Variants in SEMA4G observed in about 807,000 individuals in gnomAD.
The protein encoded by SEMA4G is semaphorin 4G.
Under a neutral mutation model 81.2 loss-of-function variants are expected in SEMA4G, and 59 were observed. That is an observed-to-expected ratio of 0.73 (90% CI 0.59 to 0.90). SEMA4G has a LOEUF of 0.90. Ranked by LOEUF, SEMA4G falls within the 40% of genes least tolerant of loss-of-function variation. The pLI, the probability that SEMA4G is intolerant of heterozygous loss-of-function variation, is 0.00. For synonymous variants in SEMA4G, 404 were observed against 433.9 expected, an observed-to-expected ratio of 0.93 and a Z score of 0.86; for missense variants, 952 against 1,102.3, an observed-to-expected ratio of 0.86 and a Z score of 1.93.
At chr10:100,980,155 A>G in exon 10 of SEMA4G, 2 of 1,614,238 alleles carry the variant, frequency 1.2e-6, no homozygotes, top group South Asian at 2.2e-5. Context: ...CCAAGGCTAC[A>G]ATTCATCCCA....
chr10:100,974,959 T>G (rs764199539), intron 3 of SEMA4G: 21 of 512,868 alleles, frequency 4.1e-5, no homozygotes, highest in Non-Finnish European at 7.9e-5. Flanking sequence ...TAAAAAATAA[T>G]TAAAAAAAAA....
At chr10:100,977,757 C>A in intron 4 of SEMA4G, 27 bp downstream of exon 5, 1 of 1,542,272 alleles carries the variant, frequency 6.5e-7, no homozygotes, top group Non-Finnish European at 9.0e-7. Context: ...TGTGCCAGAT[C>A]TCTGTTGACT....
chr10:100,979,959 TGAGG>T lies in SEMA4G; in HGVS notation c.1097_1100del (p.Glu366ValfsTer35). 1 of 1,614,054 alleles carries T rather than the reference TGAGG, an allele frequency of 6.2e-7. No homozygotes were observed. The highest frequency in any genetic ancestry group is 8.5e-7 in the Non-Finnish European group (1 of 1,179,996). On this transcript the variant is annotated frameshift_variant, in exon 9 of 14. Coordinates refer to ENST00000370250, the Ensembl canonical transcript of SEMA4G. LOFTEE classifies it high-confidence loss of function. ...ATGGTTCCCGGCGCTGGGGTCGCTA[TGAGG>T]GTGGGGTGCCTGAGCCCCGGCCTGG... is the stretch of plus-strand genomic sequence containing the variant.
At chr10:100,982,765 C>A (rs976472277) in intron 13 of SEMA4G, among the ~76,000 whole-genome samples, 1 of 152,138 alleles carries the variant, frequency 6.6e-6, no homozygotes, top group African/African-American at 2.4e-5. Context: ...GCACTCCAGC[C>A]TAGGCGACAG....
intron 13 of SEMA4G, chr10:100,981,562 T>C (rs1369590768): frequency 6.2e-7 from 1 of 1,613,476 alleles, no homozygotes; most frequent in South Asian, 1.1e-5. Context: ...AGAACAAAAG[T>C]TAATCATCAC....
intron 12 of SEMA4G, 78 bp downstream of exon 13, chr10:100,981,075 G>A (rs1040502420): frequency 1.9e-6 from 3 of 1,604,292 alleles, no homozygotes; most frequent in Non-Finnish European, 2.6e-6. Flanking sequence ...GGGGAGTGCA[G>A]GGGCTAGTTA....
chr10:100,979,752 T>G (rs558150125), intron 8 of SEMA4G, 96 bp from the exon 10 acceptor site: 611 of 1,425,704 alleles, frequency 4.3e-4, no homozygotes, highest in Non-Finnish European at 5.3e-4. Flanking sequence ...ATAGCTGGGG[T>G]TGGCCAGGGT....
chr10:100,969,764 T>C, upstream of SEMA4G: 1 of 430,980 alleles, frequency 2.3e-6, no homozygotes, highest in Non-Finnish European at 4.8e-6. Flanking sequence ...GGGCCAGGCC[T>C]CGGGCTGCGC....
At chr10:100,980,957 G>T in exon 12 of SEMA4G, 1 of 1,606,358 alleles carries the variant, frequency 6.2e-7, no homozygotes, top group Non-Finnish European at 8.5e-7. Context: ...CCATGCCTGC[G>T]CAGCAGCCAC....
At chr10:100,972,884 G>T in exon 1 of SEMA4G, 3 of 1,587,100 alleles carry the variant, frequency 1.9e-6, no homozygotes, top group South Asian at 1.2e-5. Context: ...CCCTTTGGGG[G>T]TCTTGTTAGT....
intron 8 of SEMA4G, chr10:100,979,475 C>G (rs141592520): frequency 3.7e-6 from 5 of 1,366,120 alleles, no homozygotes; most frequent in East Asian, 2.5e-5. Flanking sequence ...CTCCGCCTCC[C>G]GGGTTCAAGT....
intron 13 of SEMA4G, among the ~76,000 whole-genome samples, chr10:100,982,676 C>A (rs1851157054): frequency 6.6e-6 from 1 of 152,180 alleles, no homozygotes; most frequent in Non-Finnish European, 1.5e-5. Flanking sequence ...CCTGTAATCC[C>A]AGCTACTCAG....
At chr10:100,970,038 GAAATACCGCCT>G (rs1564790718), upstream of SEMA4G, 1 of 383,986 alleles carries the variant, frequency 2.6e-6, no homozygotes, top group African/African-American at 2.1e-5. Context: ...TAGGCAGAGG[GAAATACCGCCT>G]ACACTAGGCA....
exon 1 of SEMA4G, chr10:100,972,895 C>T: frequency 3.1e-6 from 5 of 1,594,500 alleles, no homozygotes; most frequent in Non-Finnish European, 4.3e-6. Context: ...TCTTGTTAGT[C>T]TGGGCCTCCC....
chr10:100,978,355 G>C, exon 5 of SEMA4G: 1 of 1,613,596 alleles, frequency 6.2e-7, no homozygotes, highest in Non-Finnish European at 8.5e-7. Context: ...GTGTCCTTAT[G>C]ACCCAGCCCG....
chr10:100,983,842 A>G lies in SEMA4G; in HGVS notation c.2228A>G (p.Asp743Gly), dbSNP rs145330425. The change falls in exon 14 of 14, where the codon GAT becomes GGT. Residue 743 changes from aspartate (D) to glycine (G), a missense_variant. Transcript: ENST00000370250. ...CCTGGAGAGGAAGATGAGGGTGATGATGAGGGGGCTGGGGGCCTGGAGGGC... is the reference window on the plus strand; with the variant it reads ...CCTGGAGAGGAAGATGAGGGTGATGGTGAGGGGGCTGGGGGCCTGGAGGGC... The G allele has an allele frequency of 3.6e-4, 582 of 1,594,952 alleles. 6 individuals are homozygous for G. In the East Asian group the frequency reaches 0.011, roughly 30 times the overall value.
chr10:100,977,330 T>A (rs1367207430), intron 3 of SEMA4G, among the ~76,000 whole-genome samples: 3 of 151,948 alleles, frequency 2.0e-5, no homozygotes, highest in African/African-American at 7.3e-5. Flanking sequence ...CACCTCAGGA[T>A]GGTGGAATCC....
intron 3 of SEMA4G, among the ~76,000 whole-genome samples, chr10:100,977,097 T>C (rs1161469881): frequency 6.6e-6 from 1 of 151,854 alleles, no homozygotes; most frequent in Non-Finnish European, 1.5e-5. Context: ...TTGGATGAAG[T>C]GAGGTGGGAA....
chr10:100,971,830 T>A (rs1850642713), upstream of SEMA4G, among the ~76,000 whole-genome samples: 2 of 152,164 alleles, frequency 1.3e-5, no homozygotes, highest in South Asian at 4.1e-4. Flanking sequence ...TTCTTCACGT[T>A]GCTTATGTCT....
Sources: gnomAD v4.1 joint callset for allele counts (sites outside exome capture counted in the v4.1 genomes callset) on GRCh38, gnomAD v4.1.1 for gene constraint, MANE v1.5 for transcripts, NCBI Gene and HGNC (gene_info 2026-07-23, HGNC 2026-07-21) for gene names.